MYT1L: variants seen among roughly 807,000 people sequenced by gnomAD.
MYT1L encodes the protein myelin transcription factor 1-like protein.
In MYT1L, 12 loss-of-function variants were observed where a neutral mutation model predicts 126.7. The ratio of observed to expected loss-of-function variants is 0.09; its 90% confidence interval spans 0.06 to 0.15. The LOEUF (loss-of-function observed/expected upper bound fraction) is 0.15, where lower values mean the gene tolerates loss of function less well. Among genes scored for constraint, MYT1L ranks in the 10% least tolerant of loss-of-function variants. The pLI is 1.00. For synonymous variants in MYT1L, 541 were observed against 604.2 expected (o/e 0.90, Z 1.53); for missense variants, 979 against 1,585.2 (o/e 0.62, Z 6.49).
At chr2:2,132,729 TTAAAAG>T (rs1406618129) in intron 3 of MYT1L, among the ~76,000 whole-genome samples, 1 of 152,082 alleles carries the variant, frequency 6.6e-6, no homozygotes, top group Non-Finnish European at 1.5e-5. Context: ...ATCCCAGAAC[TTAAAAG>T]TAAAATTTAA....
At chr2:2,074,663 T>C (rs1420913930) in intron 3 of MYT1L, among the ~76,000 whole-genome samples, 1 of 151,986 alleles carries the variant, frequency 6.6e-6, no homozygotes, top group Non-Finnish European at 1.5e-5. Flanking sequence ...GCTAGAGAGG[T>C]GGACATGAGC....
intron 14 of MYT1L, among the ~76,000 whole-genome samples, chr2:1,894,639 T>A (rs1345567509): frequency 2.6e-5 from 4 of 152,048 alleles, no homozygotes; most frequent in Non-Finnish European, 5.9e-5. Context: ...ACACTTTTGT[T>A]TTGAAATGAG....
intron 2 of MYT1L, among the ~76,000 whole-genome samples, chr2:2,246,200 G>C (rs2149181466): frequency 6.6e-6 from 1 of 152,210 alleles, no homozygotes; most frequent in East Asian, 1.9e-4. Context: ...TAGCAGAGAG[G>C]TGACAATGAC....
chr2:2,187,147 C>T (rs1163862021), intron 2 of MYT1L, among the ~76,000 whole-genome samples: 1 of 152,072 alleles, frequency 6.6e-6, no homozygotes, highest in Non-Finnish European at 1.5e-5. Flanking sequence ...AGGAGATGCT[C>T]TTATATTTGG....
At chr2:2,050,752 G>A (rs1306985420) in intron 4 of MYT1L, among the ~76,000 whole-genome samples, 1 of 152,170 alleles carries the variant, frequency 6.6e-6, no homozygotes, top group African/African-American at 2.4e-5. Context: ...GCGGCAGAAG[G>A]TAGCGGGACT....
intron 8 of MYT1L, among the ~76,000 whole-genome samples, chr2:1,957,710 G>C (rs2058616023): frequency 6.6e-6 from 1 of 152,150 alleles, no homozygotes; most frequent in African/African-American, 2.4e-5. Context: ...GCAGTGGGCA[G>C]CTCTTCCTTC....
intron 3 of MYT1L, among the ~76,000 whole-genome samples, chr2:2,117,983 T>C (rs922762048): frequency 3.3e-5 from 5 of 152,006 alleles, no homozygotes; most frequent in Admixed American, 1.3e-4. Context: ...TTATATTATA[T>C]ATGTACAAAA....
At chr2:1,916,217 TG>T (rs2052803121) in intron 11 of MYT1L, among the ~76,000 whole-genome samples, 1 of 152,220 alleles carries the variant, frequency 6.6e-6, no homozygotes, top group South Asian at 2.1e-4. Context: ...AAGTCCCAAA[TG>T]CTCCTGAGAA....
chr2:1,932,569 G>A (rs2149185705), intron 9 of MYT1L, among the ~76,000 whole-genome samples: 1 of 152,320 alleles, frequency 6.6e-6, no homozygotes, highest in South Asian at 2.1e-4. Flanking sequence ...GGTAAAAATA[G>A]AGAGTAATAA....
At chr2:2,096,531 C>A (rs373911934) in intron 3 of MYT1L, among the ~76,000 whole-genome samples, 1 of 152,186 alleles carries the variant, frequency 6.6e-6, no homozygotes, top group African/African-American at 2.4e-5. Flanking sequence ...AACCAAAATG[C>A]CTCATTCTGT....
At chr2:2,004,798 G>GCGTTCTTTCC (rs2063001186) in intron 4 of MYT1L, among the ~76,000 whole-genome samples, 2 of 80,420 alleles carry the variant, frequency 2.5e-5, no homozygotes, top group African/African-American at 8.9e-5. Context: ...TTTCCTGCAT[G>GCGTTCTTTCC]TGTTCTTTCC....
intron 3 of MYT1L, among the ~76,000 whole-genome samples, chr2:2,071,190 A>G (rs1441462187): frequency 6.6e-6 from 1 of 152,234 alleles, no homozygotes; most frequent in Non-Finnish European, 1.5e-5. Flanking sequence ...GGAAAAGCCA[A>G]TTTGGAGTTC....
chr2:1,890,432 G>A (rs2048714659), intron 15 of MYT1L, among the ~76,000 whole-genome samples: 1 of 151,980 alleles, frequency 6.6e-6, no homozygotes, highest in South Asian at 2.1e-4. Flanking sequence ...ATCTGCAGTT[G>A]TAGCTAAAAA....
intron 3 of MYT1L, among the ~76,000 whole-genome samples, chr2:2,091,536 T>C (rs780859110): frequency 2.6e-5 from 4 of 152,186 alleles, no homozygotes; most frequent in Non-Finnish European, 5.9e-5. Flanking sequence ...TGAAATGATA[T>C]GTAAGCATTG....
chr2:1,903,069 G>A lies in MYT1L; in HGVS notation c.2032+11C>T. 6.2e-7 allele frequency: 1 copy of A among 1,607,784 alleles called. No individual in the cohort carries two copies. Among genetic ancestry groups the A allele is most frequent in the Non-Finnish European group, 8.5e-7 (1 of 1,174,252 alleles). On this transcript the variant is annotated intron_variant, in intron 14 of 24. Transcript: ENST00000647738. Reference sequence around the variant, plus strand: ...ACGTGTCTCTCATGTATAAGAGTGTGCACCTCCTACCATCATCATATCCTT... The same window carrying A: ...ACGTGTCTCTCATGTATAAGAGTGTACACCTCCTACCATCATCATATCCTT...
chr2:1,950,781 G>A (rs926856316), intron 8 of MYT1L, among the ~76,000 whole-genome samples: 2 of 152,142 alleles, frequency 1.3e-5, no homozygotes, highest in East Asian at 1.9e-4. Context: ...TGGGAGCTCC[G>A]GACAGTGTAG....
At chr2:2,171,901 G>A (rs933539367) in intron 3 of MYT1L, among the ~76,000 whole-genome samples, 37 of 152,044 alleles carry the variant, frequency 2.4e-4, no homozygotes, top group African/African-American at 4.6e-4. Context: ...TGGGGCGGTC[G>A]GCAGACAAAT....
At chr2:2,329,213 C>A (rs2096269831) in intron 1 of MYT1L, among the ~76,000 whole-genome samples, 1 of 147,014 alleles carries the variant, frequency 6.8e-6, no homozygotes, top group Non-Finnish European at 1.5e-5. Context: ...CTACTATAAT[C>A]ACATTAATGA....
At chr2:2,234,570 G>A (rs1386197306) in intron 2 of MYT1L, among the ~76,000 whole-genome samples, 6 of 152,194 alleles carry the variant, frequency 3.9e-5, no homozygotes, top group Non-Finnish European at 8.8e-5. Flanking sequence ...TGCAGCTCAA[G>A]TTGGCAACGC....
Sources: allele counts gnomAD v4.1 joint callset (sites outside exome capture counted in the v4.1 genomes callset), GRCh38; gene constraint gnomAD v4.1.1; transcripts MANE v1.5; gene names NCBI Gene and HGNC (gene_info 2026-07-23, HGNC 2026-07-21).